The following HOOK3 variants were observed in gnomAD, a reference collection of about 807,000 sequenced individuals.
HOOK3 encodes the protein hook microtubule tethering protein 3.
Under a neutral mutation model 116.3 loss-of-function variants are expected in HOOK3, and 24 were observed. The observed-to-expected ratio is 0.21, with a 90% CI of 0.15 to 0.29. The LOEUF is 0.29. Ranked by LOEUF, HOOK3 falls within the 10% of genes least tolerant of loss-of-function variation. The pLI, the probability that HOOK3 is intolerant of heterozygous loss-of-function variation, is 1.00. For synonymous variants in HOOK3, 275 were observed against 283.0 expected (o/e 0.97, Z 0.28); for missense variants, 632 against 830.2 (o/e 0.76, Z 2.93).
chr8:42,904,225 G>A (rs929817098), intron 1 of HOOK3, among the ~76,000 whole-genome samples: 4 of 149,214 alleles, frequency 2.7e-5, no homozygotes, highest in Non-Finnish European at 3.0e-5. Flanking sequence ...AGCTTCATCC[G>A]TGTTAGTATA....
intron 2 of HOOK3, among the ~76,000 whole-genome samples, chr8:42,910,479 C>T (rs1047028358): frequency 2.0e-5 from 3 of 152,162 alleles, no homozygotes; most frequent in Admixed American, 6.5e-5. Context: ...ACAGAACTTT[C>T]CAGCTCCTCG....
chr8:42,995,427 T>C (rs1809245997), intron 15 of HOOK3, among the ~76,000 whole-genome samples: 1 of 152,194 alleles, frequency 6.6e-6, no homozygotes, highest in African/African-American at 2.4e-5. Context: ...TTCCCCCTTC[T>C]TCAAATTTTT....
intron 4 of HOOK3, among the ~76,000 whole-genome samples, chr8:42,939,802 C>A (rs1437739763): frequency 2.7e-5 from 4 of 150,588 alleles, no homozygotes. Context: ...CCTCACTTCT[C>A]AGACGGGGCG....
At position 42,974,214 on chromosome 8, in the gene HOOK3, A is replaced by G. The variant is rs373590108; in HGVS notation, c.1321+20A>G. On this transcript the variant is annotated intron_variant, in intron 13 of 21. Coordinates refer to ENST00000307602, the MANE Select transcript of HOOK3 (RefSeq NM_032410.4). ...CACAAGGTAAAAACGTTTTGCGAGT[A>G]CAAACCAGATGATTTCTTTTTTTTT... is the stretch of plus-strand genomic sequence containing the variant. The G allele has an allele frequency of 4.2e-5, 65 of 1,561,158 alleles. No individual in the cohort carries two copies. In the African/African-American group the frequency reaches 7.2e-4, roughly 17 times the overall value.
rs1018882106 is a variant in HOOK3 at position 43,024,801 on chromosome 8, A to G, written c.*6303A>G. 2 of 203,818 alleles carry G rather than the reference A, an allele frequency of 9.8e-6. No individual in the cohort carries two copies. The highest frequency in any genetic ancestry group is 2.0e-5 in the Non-Finnish European group (2 of 99,332). 12.6% of individuals were successfully genotyped at this position (203,818 alleles called of 1,614,324 possible). ...AGAAGCCTAAAAAACATAACATAAT[A>G]TGCTAACAGAGCTAATTTCCACCCA... On this transcript the variant is annotated 3_prime_UTR_variant, in exon 22 of 22. Coordinates refer to ENST00000307602, the MANE Select transcript of HOOK3 (RefSeq NM_032410.4).
intron 4 of HOOK3, among the ~76,000 whole-genome samples, chr8:42,940,018 G>A (rs1340930560): frequency 2.3e-4 from 34 of 150,442 alleles, no homozygotes; most frequent in African/African-American, 8.3e-4. Context: ...CAGGCAGAGG[G>A]GCTCCTCACA....
chr8:42,907,716 GTA>G (rs976753403), intron 2 of HOOK3, among the ~76,000 whole-genome samples: 2 of 140,946 alleles, frequency 1.4e-5, no homozygotes. Flanking sequence ...AAGAAAGAAA[GTA>G]TATATATATA....
chr8:42,980,745 G>A (rs1025007930), intron 13 of HOOK3, among the ~76,000 whole-genome samples: 3 of 152,218 alleles, frequency 2.0e-5, no homozygotes, highest in African/African-American at 7.2e-5. Context: ...CTATCTGGGT[G>A]TGGAGACGGG....
chr8:42,934,445 A>G (rs546164047), intron 4 of HOOK3, among the ~76,000 whole-genome samples: 1 of 152,016 alleles, frequency 6.6e-6, no homozygotes, highest in Non-Finnish European at 1.5e-5. Context: ...CAGAACGTGC[A>G]GGTTTGTTAC....
intron 15 of HOOK3, among the ~76,000 whole-genome samples, chr8:42,995,930 ATAC>A (rs1362549889): frequency 6.6e-6 from 1 of 151,944 alleles, no homozygotes; most frequent in African/African-American, 2.4e-5. Context: ...AACCTTTTTG[ATAC>A]TATCTTCCAT....
At chr8:42,976,530 A>G (rs1274502741) in intron 13 of HOOK3, among the ~76,000 whole-genome samples, 1 of 152,024 alleles carries the variant, frequency 6.6e-6, no homozygotes, top group African/African-American at 2.4e-5. Flanking sequence ...TAATAGGACA[A>G]TTTGGTAAGG....
At chr8:42,917,259 C>T (rs539623896) in intron 2 of HOOK3, among the ~76,000 whole-genome samples, 39 of 152,302 alleles carry the variant, frequency 2.6e-4, no homozygotes, top group Admixed American at 9.8e-4. Context: ...TCACTGAGCG[C>T]GTTGAGGTGA....
At chr8:43,001,997 A>G in intron 16 of HOOK3, 110 bp from the exon 17 acceptor site, 1 of 692,082 alleles carries the variant, frequency 1.4e-6, no homozygotes. Context: ...GACCAAACAA[A>G]TTACTGAAAG....
rs1013531966 is a variant in HOOK3 at position 43,027,232 on chromosome 8, T to C, written c.*8734T>C. 2 of 263,986 alleles carry C rather than the reference T, an allele frequency of 7.6e-6. No individual in the cohort carries two copies. Among genetic ancestry groups the C allele is most frequent in the African/African-American group, 4.5e-5 (2 of 43,970 alleles). The allele number at this position is 263,986 out of a possible 1,614,324, so 16.4% of individuals were successfully genotyped here. On this transcript the variant is annotated 3_prime_UTR_variant, in exon 22 of 22. Transcript: ENST00000307602. Reference sequence around the variant, plus strand: ...TTCTTACATTCATATATAGCAAAGTTTTCAACTTGTCTACCGAGAGACTTT... The same window carrying C: ...TTCTTACATTCATATATAGCAAAGTCTTCAACTTGTCTACCGAGAGACTTT...
At position 43,007,907 on chromosome 8, in the gene HOOK3, C is replaced by G. The variant is rs190998371; in HGVS notation, c.1716C>G (p.Leu572=). ...LQKKRAIIED[L]EPRFNNSSLK... ...AGAAGAGAGCCATTATTGAAGATCT[C>G]GAGCCAAGATTTAACAACAGCTGTG... is the stretch of plus-strand genomic sequence containing the variant. Residue 572 remains leucine, a synonymous_variant, in exon 18 of 22, where the codon CTC becomes CTG. Transcript: ENST00000307602. 32 of 1,595,160 alleles carry G rather than the reference C, an allele frequency of 2.0e-5. No homozygotes were observed. In the East Asian group the frequency reaches 2.0e-4, roughly 10 times the overall value.
At chr8:42,909,751 C>T (rs1330682422) in intron 2 of HOOK3, among the ~76,000 whole-genome samples, 1 of 152,176 alleles carries the variant, frequency 6.6e-6, no homozygotes, top group African/African-American at 2.4e-5. Flanking sequence ...AGGCGTAAAA[C>T]AACATGCCCA....
In HOOK3 at chr8:42,951,358, G is replaced by A. The variant is rs758207200; in HGVS notation, c.468+903G>A. Among the ~76,000 whole-genome samples the A allele has an allele frequency of 1.2e-3, 185 of 152,234 alleles. 3 individuals are homozygous for A. The highest frequency in any genetic ancestry group is 1.6e-3 in the Non-Finnish European group (109 of 68,012). On this transcript the variant is annotated intron_variant, in intron 6 of 21. Coordinates refer to ENST00000307602, the MANE Select transcript of HOOK3 (RefSeq NM_032410.4). ...ATTACAGGCGTGAGCCACGGCGCCC[G>A]GCCAAATAATATCTATCTTAAACCA... is the stretch of plus-strand genomic sequence containing the variant.
At chr8:42,982,605 A>G (rs753850768) in intron 13 of HOOK3, 22 bp from the exon 14 acceptor site, 4 of 1,540,244 alleles carry the variant, frequency 2.6e-6, no homozygotes, top group African/African-American at 1.4e-5. Context: ...TTAGCCTTAT[A>G]TTTATGTTTG....
At chr8:42,921,560 G>A (rs143093016) in intron 2 of HOOK3, among the ~76,000 whole-genome samples, 1 of 152,160 alleles carries the variant, frequency 6.6e-6, no homozygotes, top group African/African-American at 2.4e-5. Flanking sequence ...TGAGAAGTCA[G>A]AGAACCTCAG....
Sources: allele counts gnomAD v4.1 joint callset (sites outside exome capture counted in the v4.1 genomes callset), GRCh38; gene constraint gnomAD v4.1.1; transcripts MANE v1.5; gene names NCBI Gene and HGNC (gene_info 2026-07-23, HGNC 2026-07-21).